The following MYCBP2 variants were observed in gnomAD, a reference collection of about 807,000 sequenced individuals.
MYCBP2 encodes MYC binding protein 2.
MYCBP2 carries 120 observed loss-of-function variants against 525.3 expected under a neutral mutation model. That is an observed-to-expected ratio of 0.23 (90% confidence interval 0.20 to 0.27). The LOEUF (loss-of-function observed/expected upper bound fraction) is 0.27. Among genes scored for constraint, MYCBP2 ranks in the 10% least tolerant of loss-of-function variants. The pLI, the probability that MYCBP2 is intolerant of heterozygous loss-of-function variation, is 1.00. For synonymous variants in MYCBP2, 1,894 were observed against 1,955.8 expected (o/e 0.97, Z 0.83); for missense variants, 4,149 against 5,657.1 (o/e 0.73, Z 8.55).
rs142662799 is a variant in MYCBP2 at position 77,267,391 on chromosome 13, CATAAA to C, written c.1357+445_1357+449del. Among the ~76,000 whole-genome samples, 71 of 149,014 alleles carry C rather than the reference CATAAA, an allele frequency of 4.8e-4. 1 individual carries two copies. The highest frequency in any genetic ancestry group is 1.2e-3 in the African/African-American group (50 of 40,984). ...CTCTCTGTCTCTGAAACCCCTTTAA[CATAAA>C]ATAAAATAAAATAAAATTAAATTAA... On this transcript the variant is annotated intron_variant, in intron 8 of 82. Transcript: ENST00000544440.
intron 67 of MYCBP2, 37 bp from the exon 68 acceptor site, chr13:77,076,886 A>T: frequency 1.4e-6 from 2 of 1,456,036 alleles, no homozygotes; most frequent in Non-Finnish European, 1.9e-6. Context: ...AATTAATGAC[A>T]GGCATTAACA....
intron 18 of MYCBP2, among the ~76,000 whole-genome samples, chr13:77,230,931 A>T (rs1269963853): frequency 6.6e-6 from 1 of 152,202 alleles, no homozygotes; most frequent in Non-Finnish European, 1.5e-5. Flanking sequence ...CGAATTTTCA[A>T]ATTAGGGATG....
intron 20 of MYCBP2, among the ~76,000 whole-genome samples, chr13:77,223,960 A>C (rs539477721): frequency 2.8e-4 from 43 of 152,350 alleles, no homozygotes; most frequent in African/African-American, 1.0e-3. Context: ...CAGTCTCTCT[A>C]CTACTATTTG....
rs145662101 is a variant in MYCBP2 at position 77,275,801 on chromosome 13, T to C, written c.749-2133A>G. Among the ~76,000 whole-genome samples the C allele has an allele frequency of 1.4e-3, 220 of 152,196 alleles. 1 individual carries two copies. Among genetic ancestry groups the C allele is most frequent in the African/African-American group, 4.9e-3 (205 of 41,516 alleles). On this transcript the variant is annotated intron_variant, in intron 4 of 82. Coordinates refer to ENST00000544440, the MANE Select transcript of MYCBP2 (RefSeq NM_015057.5). ...GAGTTTGAGACCAGCCTGGCCAACA[T>C]AGTGAAACCCTGTCTCTACTAAAAA...
chr13:77,140,118 T>A lies in MYCBP2; in HGVS notation c.7447A>T (p.Ser2483Cys). 6.2e-7 allele frequency: 1 copy of A among 1,613,358 alleles called. No individual in the cohort carries two copies. The highest frequency in any genetic ancestry group is 8.5e-7 in the Non-Finnish European group (1 of 1,179,842). The change falls in exon 51 of 83, where the codon AGC becomes TGC. Residue 2483 changes from serine to cysteine, a missense_variant. Around this residue, in one of 21 missense-constraint regions of MYCBP2, gnomAD observed 692 missense variants for 852.7 expected, o/e 0.81. Coordinates refer to ENST00000544440, the MANE Select transcript of MYCBP2 (RefSeq NM_015057.5). ...TGCTCACTCTGAAGGGAAGGGTGGCTACGGATGCGAAGCCCCGCACTGTCC... is the reference window on the plus strand; with the variant it reads ...TGCTCACTCTGAAGGGAAGGGTGGCAACGGATGCGAAGCCCCGCACTGTCC... ...AKDSAGLRIRSHPSLQSEQIG... is the reference protein window; with the variant it reads ...AKDSAGLRIRCHPSLQSEQIG...
At chr13:77,266,746 GAAAAAAAA>G (rs56408804) in intron 8 of MYCBP2, among the ~76,000 whole-genome samples, 1 of 89,414 alleles carries the variant, frequency 1.1e-5, no homozygotes, top group African/African-American at 4.4e-5. Flanking sequence ...GACTTGTAAT[GAAAAAAAA>G]AAAAAAAAAA....
chr13:77,266,696 C>T (rs1012210429), intron 8 of MYCBP2, among the ~76,000 whole-genome samples: 12 of 121,824 alleles, frequency 9.9e-5, no homozygotes, highest in African/African-American at 3.4e-4. Context: ...ATATTATTGT[C>T]ATTATTATTA....
chr13:77,056,099 G>GGGGT lies in MYCBP2; in HGVS notation c.13438-333_13438-332insACCC, dbSNP rs536899192. ...CACAAATAAGACACGCTCTGTGTTT[G>GGGGT]GTGTGTGTGTGTGTGTGTGTGTGTG... On this transcript the variant is annotated intron_variant, in intron 79 of 82. Coordinates refer to ENST00000544440, the MANE Select transcript of MYCBP2 (RefSeq NM_015057.5). 3.7e-3 allele frequency among the ~76,000 whole-genome samples: 446 copies of GGGGT among 120,586 alleles called. 5 individuals carry two copies. Among genetic ancestry groups the GGGGT allele is most frequent in the African/African-American group, 0.013 (388 of 30,444 alleles). The allele number at this position is 120,586 out of a possible 152,430, so 79.1% of individuals were successfully genotyped here.
At chr13:77,169,395 CAAAAA>C (rs371575329) in intron 39 of MYCBP2, among the ~76,000 whole-genome samples, 7 of 33,812 alleles carry the variant, frequency 2.1e-4, no homozygotes, top group African/African-American at 5.8e-4. Flanking sequence ...GACTCCGTCT[CAAAAA>C]AAAAAAAAAA....
At chr13:77,207,949 CCCA>C (rs2063538135) in intron 23 of MYCBP2, among the ~76,000 whole-genome samples, 1 of 151,922 alleles carries the variant, frequency 6.6e-6, no homozygotes, top group Non-Finnish European at 1.5e-5. Context: ...TGCCCATCCC[CCCA>C]CCAAGCCCCA....
intron 1 of MYCBP2, among the ~76,000 whole-genome samples, chr13:77,303,389 C>T (rs2079026344): frequency 6.6e-6 from 1 of 152,142 alleles, no homozygotes; most frequent in Non-Finnish European, 1.5e-5. Flanking sequence ...GGCATACATA[C>T]AGAAACATAT....
intron 78 of MYCBP2, among the ~76,000 whole-genome samples, chr13:77,057,776 T>C (rs955471004): frequency 5.9e-5 from 9 of 151,276 alleles, no homozygotes; most frequent in Non-Finnish European, 1.0e-4. Flanking sequence ...GCCTGGTACA[T>C]GTATAGATTA....
intron 69 of MYCBP2, among the ~76,000 whole-genome samples, chr13:77,069,337 A>AT (rs1218635429): frequency 6.6e-6 from 1 of 152,224 alleles, no homozygotes; most frequent in East Asian, 1.9e-4. Context: ...GAAAGTTAGA[A>AT]TAGGGCTGGG....
At chr13:77,158,524 C>T (rs1019759445) in intron 44 of MYCBP2, among the ~76,000 whole-genome samples, 2 of 152,154 alleles carry the variant, frequency 1.3e-5, no homozygotes, top group Non-Finnish European at 2.9e-5. Flanking sequence ...CTCATTGTAG[C>T]CTCAACCTCC....
At chr13:77,221,949 T>C (rs2065646637) in intron 20 of MYCBP2, among the ~76,000 whole-genome samples, 3 of 152,198 alleles carry the variant, frequency 2.0e-5, no homozygotes. Context: ...CTAGATTACT[T>C]ATAATACCTA....
rs777113091 is a variant in MYCBP2, at chr13:77,188,978, CTTT to C, written c.4221_4223del (p.Lys1408del). 6.2e-7 allele frequency: 1 copy of C among 1,606,624 alleles called. No individual in the cohort carries two copies. Among genetic ancestry groups the C allele is most frequent in the Non-Finnish European group, 8.5e-7 (1 of 1,177,204 alleles). ...CTGAGACAGTTCTTGCAAAAGACCT[CTTT>C]AAAATGTGTACAGGTTCACTGGTTT... On this transcript the variant is annotated inframe_deletion, in exon 30 of 83. Coordinates refer to ENST00000544440, the MANE Select transcript of MYCBP2 (RefSeq NM_015057.5).
chr13:77,106,826 G>C (rs1488539056), intron 55 of MYCBP2, among the ~76,000 whole-genome samples: 1 of 151,966 alleles, frequency 6.6e-6, no homozygotes, highest in African/African-American at 2.4e-5. Flanking sequence ...TGGGGGTTTG[G>C]TGTAAACATA....
intron 54 of MYCBP2, among the ~76,000 whole-genome samples, chr13:77,124,141 G>A (rs1039292879): frequency 5.9e-5 from 9 of 152,094 alleles, no homozygotes; most frequent in African/African-American, 1.9e-4. Flanking sequence ...TTTAAAACAC[G>A]AATGAAGATT....
intron 26 of MYCBP2, among the ~76,000 whole-genome samples, chr13:77,204,949 G>C (rs2063143341): frequency 6.6e-6 from 1 of 150,520 alleles, no homozygotes; most frequent in Non-Finnish European, 1.5e-5. Flanking sequence ...CCTAATGCTA[G>C]ATGACAAGTT....
Sources: gnomAD v4.1 joint callset for allele counts (sites outside exome capture counted in the v4.1 genomes callset) on GRCh38, gnomAD v4.1.1 for gene constraint, gnomAD v4.1.1 regional missense constraint, MANE v1.5 for transcripts, NCBI Gene and HGNC (gene_info 2026-07-23, HGNC 2026-07-21) for gene names.